Variants in HMGB1 observed in about 807,000 individuals in gnomAD.
The protein encoded by HMGB1 is high mobility group protein B1.
For missense variants in HMGB1, 79 were observed against 253.5 expected, an observed-to-expected ratio of 0.31 and a Z score of 4.67; for synonymous variants, 81 against 84.0, an observed-to-expected ratio of 0.96 and a Z score of 0.19.
intron 1 of HMGB1, 159 bp from the exon 2 acceptor site, chr13:30,463,853 A>C: frequency 1.7e-6 from 1 of 586,390 alleles, no homozygotes; most frequent in South Asian, 2.4e-5. Flanking sequence ...GAGAGATTAA[A>C]TTCCTTGAAG....
At chr13:30,603,565 T>C (rs1412021358) in intron 1 of HMGB1, among the ~76,000 whole-genome samples, 1 of 152,214 alleles carries the variant, frequency 6.6e-6, no homozygotes, top group Non-Finnish European at 1.5e-5. Flanking sequence ...CTTATCTTTT[T>C]ACTAAAAAGT....
chr13:30,489,956 C>T (rs1234332490), intron 1 of HMGB1, among the ~76,000 whole-genome samples: 1 of 150,618 alleles, frequency 6.6e-6, no homozygotes, highest in Non-Finnish European at 1.5e-5. Flanking sequence ...GAACTCCTGA[C>T]CCCAAGTGAT....
intron 1 of HMGB1, chr13:30,553,871 T>C (rs1018042823): frequency 7.6e-7 from 1 of 1,319,184 alleles, no homozygotes; most frequent in Non-Finnish European, 1.1e-6. Flanking sequence ...CTGAGAATGA[T>C]TATATTAATG....
rs937318794 is a variant in HMGB1 at position 30,459,952 on chromosome 13, A to C, written c.*1405T>G. The C allele has an allele frequency of 2.0e-5, 3 of 152,628 alleles. No homozygotes were observed. The highest frequency in any genetic ancestry group is 4.4e-5 in the Non-Finnish European group (3 of 68,014). 9.5% of individuals were successfully genotyped at this position (152,628 alleles called of 1,614,324 possible). ...AACAAATGCAAATGGAAAGAATCCA[A>C]GTCTAAATTATATAACAAAACAGCA... On this transcript the variant is annotated 3_prime_UTR_variant, in exon 5 of 5. Transcript: ENST00000341423.
At chr13:30,578,084 T>A (rs1202758501) in intron 1 of HMGB1, among the ~76,000 whole-genome samples, 1 of 152,040 alleles carries the variant, frequency 6.6e-6, no homozygotes. Flanking sequence ...GGTGGTTCCC[T>A]GACCCTCAGG....
At chr13:30,579,632 T>G (rs1305222059) in intron 1 of HMGB1, among the ~76,000 whole-genome samples, 1 of 152,160 alleles carries the variant, frequency 6.6e-6, no homozygotes, top group Non-Finnish European at 1.5e-5. Flanking sequence ...GTTTCCTCAC[T>G]AAAGTCACCC....
chr13:30,592,505 G>T (rs1229042180), intron 1 of HMGB1, among the ~76,000 whole-genome samples: 1 of 152,104 alleles, frequency 6.6e-6, no homozygotes, highest in Non-Finnish European at 1.5e-5. Flanking sequence ...AGTACTCTTA[G>T]AAATTATCCC....
intron 1 of HMGB1, among the ~76,000 whole-genome samples, chr13:30,522,429 C>T (rs902554858): frequency 1.3e-5 from 2 of 151,876 alleles, no homozygotes; most frequent in Non-Finnish European, 2.9e-5. Context: ...GTTTCTGAGA[C>T]CATTGCCTTT....
chr13:30,534,345 T>C (rs1214848170), intron 1 of HMGB1, among the ~76,000 whole-genome samples: 1 of 152,234 alleles, frequency 6.6e-6, no homozygotes, highest in African/African-American at 2.4e-5. Context: ...CATGGCTCCC[T>C]TCTTTGGGCG....
chr13:30,475,907 G>A lies in HMGB1; in HGVS notation c.-14-12213C>T, dbSNP rs147345893. ...CCACAGTCCCCGCCATTCCCTAAGTGGTTAGCCTGACTTTTCACCCAATCA... is the reference window on the plus strand; with the variant it reads ...CCACAGTCCCCGCCATTCCCTAAGTAGTTAGCCTGACTTTTCACCCAATCA... On this transcript the variant is annotated intron_variant, in intron 1 of 4. Coordinates refer to the HMGB1 transcript ENST00000405805. Among the ~76,000 whole-genome samples, 516 of 152,272 alleles carry A rather than the reference G, an allele frequency of 3.4e-3. 1 individual carries two copies. Among genetic ancestry groups the A allele is most frequent in the African/African-American group, 0.012 (494 of 41,548 alleles).
At chr13:30,498,708 C>T (rs892345980) in intron 1 of HMGB1, among the ~76,000 whole-genome samples, 2 of 150,694 alleles carry the variant, frequency 1.3e-5, no homozygotes, top group Admixed American at 6.6e-5. Context: ...AGTGCAGTGG[C>T]ATGACCTGGG....
intron 1 of HMGB1, chr13:30,464,518 G>A: frequency 3.1e-6 from 3 of 980,218 alleles, no homozygotes; most frequent in African/African-American, 1.9e-5. Flanking sequence ...GCCGAGGAGA[G>A]AGGACGCGGC....
intron 1 of HMGB1, among the ~76,000 whole-genome samples, chr13:30,525,363 C>A (rs9506324): frequency 2.6e-5 from 4 of 151,974 alleles, no homozygotes; most frequent in African/African-American, 9.7e-5. Flanking sequence ...TGTTCTTTGG[C>A]GTACTCCCAA....
At chr13:30,462,372 A>C (rs1886405725) in intron 4 of HMGB1, 166 bp downstream of exon 4, 4 of 737,720 alleles carry the variant, frequency 5.4e-6, no homozygotes, top group Non-Finnish European at 5.0e-6. Flanking sequence ...TAGTCAAAAA[A>C]ACCCTAATTT....
chr13:30,459,410 GAATTC>G lies in HMGB1; in HGVS notation c.*1942_*1946del, dbSNP rs1886163192. 6.6e-6 allele frequency: 1 copy of G among 152,142 alleles called. No individual in the cohort carries two copies. The highest frequency in any genetic ancestry group is 2.1e-4 in the South Asian group (1 of 4,830). 9.4% of individuals were successfully genotyped at this position (152,142 alleles called of 1,614,324 possible). ...AAAGTTACAAATTCTCCTTGAGCCA[GAATTC>G]ATTTTAAATGGATCAGAATTATTAA... On this transcript the variant is annotated 3_prime_UTR_variant, in exon 5 of 5. Transcript: ENST00000341423.
Position 30,463,520 on chromosome 13 carries a change from A to G in HMGB1, c.150+11T>C. 6.2e-7 allele frequency: 1 copy of G among 1,607,172 alleles called. No homozygotes were observed. The highest frequency in any genetic ancestry group is 8.5e-7 in the Non-Finnish European group (1 of 1,177,558). ...TTAATTACCTTGTTAGCATGTTTTA[A>G]GCCCTCTTACCTTCCACCTCTCTGA... is the stretch of plus-strand genomic sequence containing the variant. On this transcript the variant is annotated intron_variant, in intron 2 of 4. Coordinates refer to ENST00000341423, the MANE Select transcript of HMGB1 (RefSeq NM_002128.7).
chr13:30,547,322 A>G (rs1412756861), intron 1 of HMGB1, among the ~76,000 whole-genome samples: 2 of 152,218 alleles, frequency 1.3e-5, no homozygotes, highest in East Asian at 3.8e-4. Flanking sequence ...CATAAAAAAT[A>G]TTGTTGCTAA....
chr13:30,487,176 C>T (rs934610141), intron 1 of HMGB1, among the ~76,000 whole-genome samples: 2 of 152,184 alleles, frequency 1.3e-5, no homozygotes, highest in African/African-American at 4.8e-5. Context: ...TTTTCTCCAA[C>T]ACTTTGTGGA....
intron 1 of HMGB1, among the ~76,000 whole-genome samples, chr13:30,471,871 T>C (rs1886952451): frequency 6.6e-6 from 1 of 151,312 alleles, no homozygotes; most frequent in Admixed American, 6.6e-5. Flanking sequence ...GGTTTCACCA[T>C]GGCCAGGCTG....
Sources: gnomAD v4.1 joint callset for allele counts (sites outside exome capture counted in the v4.1 genomes callset) on GRCh38, gnomAD v4.1.1 for gene constraint, MANE v1.5 for transcripts, NCBI Gene and HGNC (gene_info 2026-07-23, HGNC 2026-07-21) for gene names.